Variants in MAN2A1 observed in about 807,000 individuals in gnomAD.
The protein encoded by MAN2A1 is alpha-mannosidase 2.
MAN2A1 carries 76 observed loss-of-function variants against 142.6 expected under a neutral mutation model. That is an observed-to-expected ratio of 0.53 (90% CI 0.44 to 0.65). MAN2A1 has a LOEUF of 0.65. Ranked by LOEUF, MAN2A1 falls within the 30% of genes least tolerant of loss-of-function variation. MAN2A1 has a pLI of 0.00. For missense variants in MAN2A1, 1,311 were observed against 1,365.1 expected (o/e 0.96, Z 0.62); for synonymous variants, 559 against 473.2 (o/e 1.18, Z -2.35).
At chr5:109,750,491 A>G (rs149774675) in intron 4 of MAN2A1, among the ~76,000 whole-genome samples, 3 of 152,206 alleles carry the variant, frequency 2.0e-5, no homozygotes, top group East Asian at 1.9e-4. Context: ...TACTATTACA[A>G]TATGGTCCAT....
At chr5:109,844,679 C>T (rs912738895) in intron 17 of MAN2A1, among the ~76,000 whole-genome samples, 2 of 152,148 alleles carry the variant, frequency 1.3e-5, no homozygotes, top group African/African-American at 4.8e-5. Context: ...TTGCCCTTTC[C>T]CAGCTTCTAG....
chr5:109,747,273 A>G (rs1204453959), intron 4 of MAN2A1, among the ~76,000 whole-genome samples: 7 of 152,154 alleles, frequency 4.6e-5, no homozygotes, highest in Admixed American at 3.3e-4. Flanking sequence ...TTTTACATAG[A>G]CATAAATATG....
intron 1 of MAN2A1, among the ~76,000 whole-genome samples, chr5:109,692,471 G>A (rs1582790697): frequency 6.6e-6 from 1 of 152,130 alleles, no homozygotes; most frequent in South Asian, 2.1e-4. Context: ...CCCTCTGTAA[G>A]CTTAACCGTT....
intron 1 of MAN2A1, among the ~76,000 whole-genome samples, chr5:109,692,156 C>T (rs1750689223): frequency 1.3e-5 from 2 of 152,170 alleles, no homozygotes; most frequent in African/African-American, 2.4e-5. Context: ...TGTTCAGAAT[C>T]TAAAGACATG....
Position 109,865,014 on chromosome 5 carries a change from A to T in MAN2A1, c.3172-22A>T, listed in dbSNP as rs766382240. The T allele has an allele frequency of 5.3e-6, 8 of 1,517,968 alleles. No homozygotes were observed. The South Asian group carries it at 7.9e-5, about 15-fold the overall frequency. 94.0% of individuals were successfully genotyped at this position (1,517,968 alleles called of 1,614,324 possible). On this transcript the variant is annotated intron_variant, in intron 20 of 21. Transcript: ENST00000261483. Reference sequence around the variant, plus strand: ...TTTGCTTTATTGTCTGCGCGGTGTGACTGCATTCTGCTCATTTGCAGGTGG... The same window carrying T: ...TTTGCTTTATTGTCTGCGCGGTGTGTCTGCATTCTGCTCATTTGCAGGTGG...
chr5:109,812,471 T>G lies in MAN2A1; in HGVS notation c.1944-4802T>G, dbSNP rs182390754. Among the ~76,000 whole-genome samples the G allele has an allele frequency of 6.6e-5, 10 of 152,264 alleles. No individual in the cohort carries two copies. The East Asian group carries it at 1.7e-3, about 26-fold the overall frequency. On this transcript the variant is annotated intron_variant, in intron 12 of 21. Coordinates refer to ENST00000261483, the MANE Select transcript of MAN2A1 (RefSeq NM_002372.4). ...GAACTTCAAATCTAGATATTGCAAC[T>G]TCTGTTAACATGTAAATTCATGTTT...
chr5:109,690,691 G>T, intron 1 of MAN2A1, 139 bp downstream of exon 1: 1 of 963,446 alleles, frequency 1.0e-6, no homozygotes, highest in South Asian at 1.5e-5. Context: ...GTAGCTCTCG[G>T]ACGGCAATGA....
At chr5:109,700,660 G>T (rs1179158814) in intron 1 of MAN2A1, among the ~76,000 whole-genome samples, 1 of 152,154 alleles carries the variant, frequency 6.6e-6, no homozygotes, top group Non-Finnish European at 1.5e-5. Context: ...GAAAAATTCA[G>T]GCACAGAATT....
intron 19 of MAN2A1, among the ~76,000 whole-genome samples, chr5:109,851,521 TC>T: frequency 6.6e-6 from 1 of 152,316 alleles, no homozygotes; most frequent in South Asian, 2.1e-4. Context: ...TCTTGCACTC[TC>T]TTGCCTTTTC....
At chr5:109,726,573 G>A (rs922568862) in intron 3 of MAN2A1, among the ~76,000 whole-genome samples, 1 of 152,160 alleles carries the variant, frequency 6.6e-6, no homozygotes, top group Non-Finnish European at 1.5e-5. Context: ...TTGTTGAGGG[G>A]TGAATGAAGT....
chr5:109,757,167 C>T (rs1393989644), intron 5 of MAN2A1, among the ~76,000 whole-genome samples: 1 of 152,090 alleles, frequency 6.6e-6, no homozygotes, highest in Non-Finnish European at 1.5e-5. Context: ...ATGTTGAGAC[C>T]TGTGATTTTT....
intron 4 of MAN2A1, among the ~76,000 whole-genome samples, chr5:109,732,399 T>C (rs1431211887): frequency 6.6e-6 from 1 of 152,186 alleles, no homozygotes; most frequent in African/African-American, 2.4e-5. Flanking sequence ...GACTTTTGTT[T>C]CCATTGCTTT....
chr5:109,705,754 C>A (rs561374304), intron 1 of MAN2A1, among the ~76,000 whole-genome samples: 1 of 152,292 alleles, frequency 6.6e-6, no homozygotes, highest in Admixed American at 6.5e-5. Context: ...AGCTGCATTC[C>A]TTCTGGAGCT....
At chr5:109,841,643 T>A (rs1452332358) in intron 16 of MAN2A1, among the ~76,000 whole-genome samples, 1 of 152,206 alleles carries the variant, frequency 6.6e-6, no homozygotes, top group Non-Finnish European at 1.5e-5. Flanking sequence ...ATGTTTGATA[T>A]GTTAGGGACT....
At position 109,819,785 on chromosome 5, in the gene MAN2A1, T is replaced by C. The variant is rs1426569415; in HGVS notation, c.2226T>C (p.Asp742=). The C allele has an allele frequency of 1.9e-6, 3 of 1,609,810 alleles. No homozygotes were observed. The highest frequency in any genetic ancestry group is 2.2e-5 in the East Asian group (1 of 44,806). The part of the protein sequence containing the change: ...DYVLYKNKVE[D]SGIFTIKNMI... Reference sequence around the variant, plus strand: ...TCTTGTATAAGAATAAAGTAGAAGATAGCGGAATTTTCACCATAAAGAATA... The same window carrying C: ...TCTTGTATAAGAATAAAGTAGAAGACAGCGGAATTTTCACCATAAAGAATA... The change falls in exon 14 of 22, where the codon GAT becomes GAC. Residue 742 remains aspartate (D), a synonymous_variant. Transcript: ENST00000261483.
chr5:109,707,310 A>G (rs928028387), intron 1 of MAN2A1, among the ~76,000 whole-genome samples: 19 of 151,972 alleles, frequency 1.3e-4, no homozygotes, highest in African/African-American at 3.6e-4. Context: ...TTTTATTTGT[A>G]TTATTTTTGG....
intron 16 of MAN2A1, 94 bp from the exon 17 acceptor site, chr5:109,842,234 A>C (rs1755224601): frequency 1.4e-6 from 1 of 711,942 alleles, no homozygotes; most frequent in Non-Finnish European, 2.2e-6. Context: ...AAACAAGAAA[A>C]TGTAACTTTG....
intron 8 of MAN2A1, among the ~76,000 whole-genome samples, chr5:109,775,187 A>G (rs1753250453): frequency 6.6e-6 from 1 of 152,134 alleles, no homozygotes; most frequent in South Asian, 2.1e-4. Context: ...TTAAAGAGGA[A>G]TTTACTTTTA....
chr5:109,825,099 T>C (rs1011520013), intron 16 of MAN2A1, among the ~76,000 whole-genome samples: 2 of 152,202 alleles, frequency 1.3e-5, no homozygotes, highest in African/African-American at 4.8e-5. Context: ...CCTGTAGTTC[T>C]GAAATAATCT....
Sources: gnomAD v4.1 joint callset for allele counts (sites outside exome capture counted in the v4.1 genomes callset) on GRCh38, gnomAD v4.1.1 for gene constraint, MANE v1.5 for transcripts, NCBI Gene and HGNC (gene_info 2026-07-23, HGNC 2026-07-21) for gene names.